The following AGPS variants were observed in gnomAD, a reference collection of about 807,000 sequenced individuals.
AGPS encodes alkylglycerone phosphate synthase, also known as alkyldihydroxyacetonephosphate synthase, peroxisomal.
AGPS carries 26 observed loss-of-function variants against 90.7 expected under a neutral mutation model. That is an observed-to-expected ratio of 0.29 (90% CI 0.21 to 0.40). The LOEUF (loss-of-function observed/expected upper bound fraction) is 0.40. AGPS is among the 10% of genes least tolerant of loss of function. The pLI, the probability that AGPS is intolerant of heterozygous loss-of-function variation, is 1.00. For missense variants in AGPS, 540 were observed against 816.1 expected, an observed-to-expected ratio of 0.66 and a Z score of 4.12; for synonymous variants, 294 against 285.3, an observed-to-expected ratio of 1.03 and a Z score of -0.31.
chr2:177,445,805 A>G (rs1472335043), intron 8 of AGPS, among the ~76,000 whole-genome samples, 179 bp downstream of exon 8: 1 of 152,214 alleles, frequency 6.6e-6, no homozygotes. Flanking sequence ...GCATTGAGCT[A>G]GATTCTGAGG....
chr2:177,409,705 C>T (rs535258576), intron 1 of AGPS, among the ~76,000 whole-genome samples: 2 of 152,184 alleles, frequency 1.3e-5, no homozygotes, highest in South Asian at 2.1e-4. Context: ...GGGGTGCCTT[C>T]GATCTCATCA....
At position 177,539,885 on chromosome 2, in the gene AGPS, G is replaced by T. The variant is rs888726597; in HGVS notation, c.*1690G>T. ...CAACAGATCTTTGCTTTAAGCCCTT[G>T]ATATTTGACCTAGTTGGACACTTGA... On this transcript the variant is annotated 3_prime_UTR_variant, in exon 20 of 20. Coordinates refer to ENST00000264167, the MANE Select transcript of AGPS (RefSeq NM_003659.4). The T allele has an allele frequency of 6.6e-6, 1 of 151,370 alleles. No homozygotes were observed. Among genetic ancestry groups the T allele is most frequent in the African/African-American group, 2.4e-5 (1 of 41,146 alleles). The allele number at this position is 151,370 out of a possible 1,614,324, so 9.4% of individuals were successfully genotyped here. A position where few individuals can be genotyped will look rare whatever the true frequency, so the allele number is the denominator to read the frequency against.
chr2:177,464,361 C>T (rs1385282828), intron 9 of AGPS, among the ~76,000 whole-genome samples: 1 of 152,102 alleles, frequency 6.6e-6, no homozygotes, highest in African/African-American at 2.4e-5. Flanking sequence ...TCTTTTAATA[C>T]ATGTGGCTAC....
At chr2:177,445,712 A>G in intron 8 of AGPS, 86 bp downstream of exon 8, 2 of 904,512 alleles carry the variant, frequency 2.2e-6, no homozygotes, top group Non-Finnish European at 1.7e-6. Context: ...AGTTTTCAAA[A>G]CTGTATCCCC....
At position 177,462,037 on chromosome 2, in the gene AGPS, A is replaced by G; in HGVS notation, c.996+19A>G. On this transcript the variant is annotated intron_variant, in intron 9 of 19. Transcript: ENST00000264167. ...GGACCTGGTAAATATTTTTCTAGTT[A>G]TTATGTAATAATTGATTAGTATATA... 1 of 1,571,702 alleles carries G rather than the reference A, an allele frequency of 6.4e-7. No homozygotes were observed. The highest frequency in any genetic ancestry group is 8.7e-7 in the Non-Finnish European group (1 of 1,147,732).
At chr2:177,472,521 G>A (rs3769997) in intron 10 of AGPS, among the ~76,000 whole-genome samples, 15,511 of 151,938 alleles carry the variant, frequency 0.1, 1,156 homozygotes, top group East Asian at 0.35. Flanking sequence ...CTTTCTTCAG[G>A]ATCGTGGCTG....
intron 2 of AGPS, among the ~76,000 whole-genome samples, chr2:177,420,945 G>A (rs1321119227): frequency 6.6e-6 from 1 of 151,780 alleles, no homozygotes; most frequent in Non-Finnish European, 1.5e-5. Flanking sequence ...TTTTGTGATA[G>A]CTTTTCTATG....
Position 177,434,398 on chromosome 2 carries a change from A to G in AGPS, c.422A>G (p.Glu141Gly), listed in dbSNP as rs773588383. The change falls in exon 3 of 20, where the codon GAG becomes GGG. Residue 141 changes from glutamate (E) to glycine (G), a missense_variant. By Grantham distance (98) the Glu-to-Gly change is moderately conservative. Coordinates refer to ENST00000264167, the MANE Select transcript of AGPS (RefSeq NM_003659.4). ...WIQNTLGVNV[E>G]HKTTSKASLN... ...CAAAATACCCTTGGAGTAAATGTGGAGCATAAAACTACCTCTAAAGTAAGC... is the reference window on the plus strand; with the variant it reads ...CAAAATACCCTTGGAGTAAATGTGGGGCATAAAACTACCTCTAAAGTAAGC... 1 of 1,612,450 alleles carries G rather than the reference A, an allele frequency of 6.2e-7. No individual in the cohort carries two copies. The highest frequency in any genetic ancestry group is 8.5e-7 in the Non-Finnish European group (1 of 1,178,980).
In AGPS at chr2:177,523,758, G is replaced by T. The variant is rs564164778; in HGVS notation, c.1808G>T (p.Arg603Ile). Residue 603 changes from arginine (R) to isoleucine (I), a missense_variant, in exon 19 of 20, where the codon AGA (arginine) becomes ATA (isoleucine). By Grantham distance (97) the Arg-to-Ile change is moderately conservative. Around this residue, in one of 2 missense-constraint regions of AGPS, gnomAD observed 405 missense variants for 692.1 expected, o/e 0.59. Coordinates refer to ENST00000264167, the MANE Select transcript of AGPS (RefSeq NM_003659.4). Reference sequence around the variant, plus strand: ...TGTTTCCAAATACAGGCAGCTGCTAGAGAAGAAATCCTTGCTAATGGAGGG... The same window carrying T: ...TGTTTCCAAATACAGGCAGCTGCTATAGAAGAAATCCTTGCTAATGGAGGG... ...TVFEQTEAAA[R>I]EEILANGGSL... 1 of 1,613,974 alleles carries T rather than the reference G, an allele frequency of 6.2e-7. No homozygotes were observed. Among genetic ancestry groups the T allele is most frequent in the East Asian group, 2.2e-5 (1 of 44,870 alleles).
chr2:177,418,864 C>T (rs12996447), intron 1 of AGPS, among the ~76,000 whole-genome samples: 87,772 of 151,414 alleles, frequency 0.58, 29,483 homozygotes, highest in Non-Finnish European at 0.72. Context: ...TGATGTTTCT[C>T]CATAGAGATT....
At chr2:177,468,739 G>C (rs543434443) in intron 10 of AGPS, among the ~76,000 whole-genome samples, 1 of 151,986 alleles carries the variant, frequency 6.6e-6, no homozygotes, top group African/African-American at 2.4e-5. Flanking sequence ...TCTAGAGACA[G>C]CTTGATCTTT....
intron 10 of AGPS, among the ~76,000 whole-genome samples, chr2:177,481,728 T>C (rs1327973530): frequency 6.6e-6 from 1 of 152,050 alleles, no homozygotes; most frequent in African/African-American, 2.4e-5. Context: ...GACATAAGAA[T>C]CCATTGTTTT....
chr2:177,509,003 T>C (rs1688788146), intron 16 of AGPS, among the ~76,000 whole-genome samples: 1 of 152,220 alleles, frequency 6.6e-6, no homozygotes, highest in Non-Finnish European at 1.5e-5. Flanking sequence ...ATAAAATTTA[T>C]AAAGTACTTT....
At chr2:177,514,208 G>A (rs1204021081) in intron 17 of AGPS, among the ~76,000 whole-genome samples, 1 of 152,104 alleles carries the variant, frequency 6.6e-6, no homozygotes, top group Non-Finnish European at 1.5e-5. Flanking sequence ...TCTACTCACT[G>A]AAACTATAAA....
intron 10 of AGPS, among the ~76,000 whole-genome samples, chr2:177,475,984 A>C (rs183815940): frequency 7.0e-4 from 106 of 151,994 alleles, no homozygotes; most frequent in African/African-American, 2.5e-3. Flanking sequence ...GTGTTCCTTT[A>C]TAATCCTTTT....
chr2:177,523,907 C>T (rs903113911), intron 19 of AGPS, 102 bp downstream of exon 19: 2 of 991,008 alleles, frequency 2.0e-6, no homozygotes, highest in Non-Finnish European at 3.1e-6. Context: ...TATGAGAGTA[C>T]TTGAGGTTTC....
intron 8 of AGPS, among the ~76,000 whole-genome samples, chr2:177,452,775 AT>A (rs539558250): frequency 2.7e-5 from 4 of 148,862 alleles, no homozygotes; most frequent in East Asian, 2.0e-4. Flanking sequence ...CCTTTTTGGG[AT>A]TTTTTTTTAA....
intron 5 of AGPS, among the ~76,000 whole-genome samples, chr2:177,440,758 A>G (rs932287864): frequency 2.0e-5 from 3 of 152,146 alleles, no homozygotes; most frequent in East Asian, 1.9e-4. Context: ...TTTTCGTACT[A>G]TCTTTGTAAC....
chr2:177,501,225 T>C (rs971756492), intron 14 of AGPS, among the ~76,000 whole-genome samples: 5 of 152,122 alleles, frequency 3.3e-5, no homozygotes, highest in African/African-American at 1.2e-4. Flanking sequence ...TTAAATTTGC[T>C]TAGTTTCACC....
Sources: allele counts gnomAD v4.1 joint callset (sites outside exome capture counted in the v4.1 genomes callset), GRCh38; gene constraint gnomAD v4.1.1; regional missense constraint gnomAD v4.1.1; transcripts MANE v1.5; gene names NCBI Gene and HGNC (gene_info 2026-07-23, HGNC 2026-07-21).